Variants in STXBP5 observed in about 807,000 individuals in gnomAD.
The protein encoded by STXBP5 is syntaxin-binding protein 5.
A neutral mutation model predicts 152.4 loss-of-function variants in STXBP5; 50 were observed. The observed-to-expected ratio is 0.33, with a 90% CI of 0.26 to 0.42. STXBP5 has a LOEUF of 0.42. STXBP5 is among the 10% of genes least tolerant of loss of function. The pLI is 1.00. For missense variants in STXBP5, 1,167 were observed against 1,388.6 expected (o/e 0.84, Z 2.54); for synonymous variants, 492 against 494.7 (o/e 0.99, Z 0.07).
intron 11 of STXBP5, 67 bp downstream of exon 11, chr6:147,311,594 G>A (rs752198537): frequency 1.7e-6 from 2 of 1,206,088 alleles, no homozygotes; most frequent in Admixed American, 2.2e-5. Flanking sequence ...TTTTATCATA[G>A]CATTAGCTAT....
intron 9 of STXBP5, among the ~76,000 whole-genome samples, chr6:147,294,366 T>C (rs1781415290): frequency 6.6e-6 from 1 of 151,960 alleles, no homozygotes; most frequent in Non-Finnish European, 1.5e-5. Flanking sequence ...AATAATAATA[T>C]TGCCTACCTC....
intron 2 of STXBP5, among the ~76,000 whole-genome samples, chr6:147,219,488 G>A (rs115379295): frequency 1.3e-3 from 196 of 152,212 alleles, no homozygotes; most frequent in African/African-American, 4.5e-3. Context: ...CTAGAAACTT[G>A]TTATAATTCA....
At chr6:147,308,038 G>A (rs1782181203) in intron 9 of STXBP5, among the ~76,000 whole-genome samples, 1 of 152,092 alleles carries the variant, frequency 6.6e-6, no homozygotes, top group South Asian at 2.1e-4. Flanking sequence ...ATATTTAAAA[G>A]CACACTTACC....
chr6:147,329,614 A>C (rs1562249549), intron 18 of STXBP5, among the ~76,000 whole-genome samples: 1 of 104,334 alleles, frequency 9.6e-6, no homozygotes, highest in Non-Finnish European at 1.9e-5. Context: ...ATTGTTCTTC[A>C]GGCTTTTTTT....
At chr6:147,274,772 A>G (rs1016370974) in intron 7 of STXBP5, among the ~76,000 whole-genome samples, 1 of 152,120 alleles carries the variant, frequency 6.6e-6, no homozygotes, top group Non-Finnish European at 1.5e-5. Context: ...CTTTGACAAT[A>G]ATAGATAGTT....
At chr6:147,316,133 G>T in intron 15 of STXBP5, 96 bp from the exon 16 acceptor site, 1 of 1,194,508 alleles carries the variant, frequency 8.4e-7, no homozygotes, top group Admixed American at 2.7e-5. Flanking sequence ...TCTTGCCACT[G>T]AAGTTTATGT....
Position 147,382,788 on chromosome 6 carries a change from G to A in STXBP5, c.3204G>A (p.Ser1068=), listed in dbSNP as rs754860578. 5.6e-6 allele frequency: 9 copies of A among 1,613,126 alleles called. No homozygotes were observed. Among genetic ancestry groups the A allele is most frequent in the South Asian group, 3.3e-5 (3 of 91,056 alleles). The stretch of plus-strand genomic sequence containing the variant: ...ATCAAATGTGTTCAGTTGGAGAATC[G>A]TCCTCAGGAAAGGCTTCAAGGAGCC... ...SLDREELFGE[S]SSGKASRSLA... is the part of the protein sequence containing the mutation. Residue 1068 remains serine (S), a synonymous_variant, in exon 27 of 28, where the codon TCG becomes TCA. Coordinates refer to ENST00000321680, the MANE Select transcript of STXBP5 (RefSeq NM_001127715.4).
intron 9 of STXBP5, among the ~76,000 whole-genome samples, chr6:147,295,822 G>A (rs536775194): frequency 1.9e-4 from 29 of 152,292 alleles, no homozygotes; most frequent in African/African-American, 6.5e-4. Flanking sequence ...AACAATGTGT[G>A]TACCCTCACC....
chr6:147,378,066 A>G (rs1203034434), intron 26 of STXBP5, among the ~76,000 whole-genome samples: 1 of 152,204 alleles, frequency 6.6e-6, no homozygotes, highest in East Asian at 1.9e-4. Context: ...TAACTATCAG[A>G]CATTGAAGCC....
chr6:147,206,628 A>C (rs1380872900), intron 2 of STXBP5, among the ~76,000 whole-genome samples: 3 of 152,134 alleles, frequency 2.0e-5, no homozygotes, highest in Non-Finnish European at 4.4e-5. Flanking sequence ...TGAAAAATGC[A>C]TGGGGATAAA....
rs771660598 is a variant in STXBP5, at chr6:147,314,238, C to T, written c.1294-26C>T. On this transcript the variant is annotated intron_variant, in intron 12 of 27. Transcript: ENST00000321680. Reference sequence around the variant, plus strand: ...AGGTATGTAGTATGCTTGCAAGTTGCTTTATACAGTCATCTTTTTTTATAG... The same window carrying T: ...AGGTATGTAGTATGCTTGCAAGTTGTTTTATACAGTCATCTTTTTTTATAG... 3.8e-6 allele frequency: 6 copies of T among 1,588,506 alleles called. No individual in the cohort carries two copies. The East Asian group carries it at 6.7e-5, about 18-fold the overall frequency.
chr6:147,347,986 A>C (rs1784414647), intron 21 of STXBP5, among the ~76,000 whole-genome samples: 1 of 152,152 alleles, frequency 6.6e-6, no homozygotes, highest in African/African-American at 2.4e-5. Context: ...ACTTTTCTGT[A>C]TTATTTGAAT....
chr6:147,358,522 T>C (rs1261221057), intron 22 of STXBP5, among the ~76,000 whole-genome samples: 1 of 152,144 alleles, frequency 6.6e-6, no homozygotes, highest in Non-Finnish European at 1.5e-5. Flanking sequence ...ATTGTTTTTG[T>C]TTTCAATTGT....
At chr6:147,372,685 G>A (rs1031508822) in intron 25 of STXBP5, among the ~76,000 whole-genome samples, 6 of 151,420 alleles carry the variant, frequency 4.0e-5, no homozygotes, top group South Asian at 4.2e-4. Flanking sequence ...CTCCCACCTC[G>A]GCCTCCCAAA....
At chr6:147,296,772 A>T (rs1158128170) in intron 9 of STXBP5, among the ~76,000 whole-genome samples, 1 of 152,218 alleles carries the variant, frequency 6.6e-6, no homozygotes, top group African/African-American at 2.4e-5. Context: ...CAAAGTTAGC[A>T]TTTTTGGAAA....
At chr6:147,327,735 C>T (rs991397014) in intron 18 of STXBP5, among the ~76,000 whole-genome samples, 4 of 152,190 alleles carry the variant, frequency 2.6e-5, no homozygotes, top group South Asian at 2.1e-4. Context: ...AGGCACCACA[C>T]CCAGCCTGTT....
intron 8 of STXBP5, among the ~76,000 whole-genome samples, chr6:147,286,338 A>T (rs556054611): frequency 6.6e-6 from 1 of 152,312 alleles, no homozygotes; most frequent in South Asian, 2.1e-4. Context: ...TTAAATTAAG[A>T]CAGGATTCAA....
In STXBP5 at chr6:147,322,339, A is replaced by G. The variant is rs1288482371; in HGVS notation, c.1803-2620A>G. Among the ~76,000 whole-genome samples, 4 of 152,354 alleles carry G rather than the reference A, an allele frequency of 2.6e-5. No homozygotes were observed. The East Asian group carries it at 5.8e-4, about 22-fold the overall frequency. On this transcript the variant is annotated intron_variant, in intron 16 of 27. Transcript: ENST00000321680. ...CCTAAGAATAATTCAGAAATTTTGC[A>G]TCAGCCAGTGTAGAGTTCTGAATGC...
chr6:147,259,844 G>C (rs1304787613), intron 4 of STXBP5, among the ~76,000 whole-genome samples: 1 of 151,866 alleles, frequency 6.6e-6, no homozygotes, highest in Non-Finnish European at 1.5e-5. Flanking sequence ...GGACAAGACG[G>C]TATTCATTCT....
Sources: allele counts gnomAD v4.1 joint callset (sites outside exome capture counted in the v4.1 genomes callset), GRCh38; gene constraint gnomAD v4.1.1; transcripts MANE v1.5; gene names NCBI Gene and HGNC (gene_info 2026-07-23, HGNC 2026-07-21).